Variants in CELF2 observed in about 807,000 individuals in gnomAD.
CELF2 encodes CUG triplet repeat RNA-binding protein 2.
A neutral mutation model predicts 62.6 loss-of-function variants in CELF2; 8 were observed. The observed-to-expected ratio is 0.13, with a 90% CI of 0.07 to 0.23. The LOEUF is 0.23. CELF2 is among the 10% of genes least tolerant of loss of function. The pLI is 1.00. For synonymous variants in CELF2, 258 were observed against 250.0 expected, an observed-to-expected ratio of 1.03 and a Z score of -0.30; for missense variants, 333 against 671.0, an observed-to-expected ratio of 0.50 and a Z score of 5.56.
chr10:11,314,343 C>T lies in CELF2; in HGVS notation c.1096+85C>T, dbSNP rs763125441. 4.9e-5 allele frequency: 78 copies of T among 1,578,280 alleles called. 1 individual carries two copies. Among genetic ancestry groups the T allele is most frequent in the Admixed American group, 1.3e-4 (8 of 59,876 alleles). ...AGAAAGTGGTCAGCCAGAAATGACC[C>T]GAAAAAGGATATGCCACGGGGAGAA... On this transcript the variant is annotated intron_variant, in intron 10 of 12. Transcript: ENST00000633077. This position sits in a 1 kb window ranked among gnomAD's most constrained non-coding sequence, Gnocchi z 5.3.
intron 1 of CELF2, among the ~76,000 whole-genome samples, chr10:11,123,200 G>A (rs2058087346): frequency 6.6e-6 from 1 of 152,062 alleles, no homozygotes; most frequent in African/African-American, 2.4e-5. Context: ...TTGCTTACAA[G>A]CACACTGTTT....
chr10:11,232,207 TGTTCA>T (rs2068993738), intron 3 of CELF2, among the ~76,000 whole-genome samples: 1 of 152,196 alleles, frequency 6.6e-6, no homozygotes, highest in African/African-American at 2.4e-5. Context: ...GTGTTCTCAT[TGTTCA>T]GTTCCCACCT....
intron 1 of CELF2, among the ~76,000 whole-genome samples, chr10:10,823,678 A>C (rs959468805): frequency 6.6e-6 from 1 of 152,200 alleles, no homozygotes; most frequent in Non-Finnish European, 1.5e-5. Context: ...CGGCAGAGAT[A>C]ATCGTATTAA....
intron 2 of CELF2, among the ~76,000 whole-genome samples, chr10:10,955,535 C>A (rs962929207): frequency 1.3e-5 from 2 of 152,184 alleles, no homozygotes; most frequent in Non-Finnish European, 2.9e-5. Flanking sequence ...ACATTCTCGA[C>A]GTATGAACTC....
rs995577851 is a variant in CELF2 at position 11,005,530 on chromosome 10, T to C, written c.53+90T>C. ...TAATTATGCTCTGAATCAAGTAGCT[T>C]CCTTACCTTAGAAGAGAAGGGGGGA... On this transcript the variant is annotated intron_variant, in intron 1 of 12. Transcript: ENST00000416382. This position sits in a 1 kb window ranked among gnomAD's most constrained non-coding sequence, Gnocchi z 4.3. The C allele has an allele frequency of 2.3e-5, 37 of 1,590,576 alleles. No homozygotes were observed. Among genetic ancestry groups the C allele is most frequent in the Non-Finnish European group, 3.1e-5 (36 of 1,159,854 alleles).
At chr10:10,596,300 C>G in the CELF2 span, among the ~76,000 whole-genome samples, 1 of 151,762 alleles carries the variant, frequency 6.6e-6, no homozygotes, top group Non-Finnish European at 1.5e-5. Flanking sequence ...TTCAAGTCTT[C>G]ATTATAATGT....
At position 11,332,591 on chromosome 10, in the gene CELF2, G is replaced by GCCTACAGC. The variant is rs2096048402; in HGVS notation, c.*3541_*3548dup. 6.6e-6 allele frequency: 1 copy of GCCTACAGC among 150,614 alleles called. No homozygotes were observed. The highest frequency in any genetic ancestry group is 2.5e-5 in the African/African-American group (1 of 39,558). 9.3% of individuals were successfully genotyped at this position (150,614 alleles called of 1,614,324 possible). A position where few individuals can be genotyped will look rare whatever the true frequency, so the allele number is the denominator to read the frequency against. On this transcript the variant is annotated 3_prime_UTR_variant, in exon 13 of 13. Transcript: ENST00000633077. Reference sequence around the variant, plus strand: ...CTGTCTTGACAAATCCTAATGTCACGCCTACAGCCCCAACACAAGCTCCAG... The same window carrying GCCTACAGC: ...CTGTCTTGACAAATCCTAATGTCACGCCTACAGCCCTACAGCCCCAACACAAGCTCCAG...
chr10:11,034,584 T>C (rs1427190264), intron 1 of CELF2, among the ~76,000 whole-genome samples: 7 of 152,196 alleles, frequency 4.6e-5, no homozygotes, highest in African/African-American at 1.7e-4. Context: ...TTCTGTGATC[T>C]TGGCCATTTG....
chr10:11,325,990 G>T lies in CELF2; in HGVS notation c.1438+11G>T, dbSNP rs375201680. ...TGAGCAAGTGCTTTGGTATGCAAAA[G>T]AAACTAAGCTAGTATATTGCAGTAG... On this transcript the variant is annotated intron_variant, in intron 12 of 12. Coordinates refer to ENST00000633077, the MANE Select transcript of CELF2 (RefSeq NM_001326342.2). 1.4e-5 allele frequency: 23 copies of T among 1,608,232 alleles called. No homozygotes were observed. Among genetic ancestry groups the T allele is most frequent in the Middle Eastern group, 1.7e-4 (1 of 6,054 alleles).
intron 1 of CELF2, among the ~76,000 whole-genome samples, chr10:11,087,405 C>G (rs2047107043): frequency 6.6e-6 from 1 of 152,206 alleles, no homozygotes; most frequent in Non-Finnish European, 1.5e-5. Context: ...GGGCAAAAAC[C>G]TGTGTCTTTT....
At chr10:10,679,156 T>A in the CELF2 span, among the ~76,000 whole-genome samples, 10 of 152,214 alleles carry the variant, frequency 6.6e-5, no homozygotes, top group Non-Finnish European at 8.8e-5. Flanking sequence ...CTATAATTTA[T>A]CAAGAATGGT....
chr10:10,872,068 T>C (rs1313356676), intron 1 of CELF2, among the ~76,000 whole-genome samples: 1 of 152,242 alleles, frequency 6.6e-6, no homozygotes, highest in Non-Finnish European at 1.5e-5. Flanking sequence ...ATATTTTCCA[T>C]GTGAAATATT....
At chr10:11,229,704 C>T (rs2067928906) in intron 3 of CELF2, among the ~76,000 whole-genome samples, 1 of 152,052 alleles carries the variant, frequency 6.6e-6, no homozygotes, top group African/African-American at 2.4e-5. Context: ...ATTCTCCTGC[C>T]TCAGCCTCCC....
chr10:11,145,423 C>T lies in CELF2; in HGVS notation c.75-20063C>T, dbSNP rs1053081920. 2.6e-5 allele frequency among the ~76,000 whole-genome samples: 4 copies of T among 152,180 alleles called. No individual in the cohort carries two copies. Among genetic ancestry groups the T allele is most frequent in the African/African-American group, 9.7e-5 (4 of 41,428 alleles). On this transcript the variant is annotated intron_variant, in intron 1 of 12. Transcript: ENST00000633077. This position sits in a 1 kb window ranked among gnomAD's most constrained non-coding sequence, Gnocchi z 4.3. ...TAATAGCAGGTTGTATGCAGGACTC[C>T]CACGTTTGAAAACATGACTGCCTGG...
chr10:11,162,999 G>A (rs927848684), intron 1 of CELF2, among the ~76,000 whole-genome samples: 5 of 152,188 alleles, frequency 3.3e-5, no homozygotes, highest in Non-Finnish European at 7.3e-5. Flanking sequence ...AGGCAGCGGT[G>A]AAGCATGGCT....
chr10:11,256,066 G>A (rs1384056863), intron 4 of CELF2, among the ~76,000 whole-genome samples: 2 of 152,196 alleles, frequency 1.3e-5, no homozygotes, highest in African/African-American at 2.4e-5. Context: ...AGCTCCCTTA[G>A]GTCTCTTCCT....
At chr10:11,107,604 A>G (rs1039428824) in intron 1 of CELF2, among the ~76,000 whole-genome samples, 1 of 152,020 alleles carries the variant, frequency 6.6e-6, no homozygotes. Flanking sequence ...ACATATTTCT[A>G]GAAGTTAAGA....
intron 3 of CELF2, among the ~76,000 whole-genome samples, chr10:11,219,878 GTTT>G (rs747786029): frequency 5.3e-5 from 8 of 152,308 alleles, no homozygotes; most frequent in Non-Finnish European, 1.0e-4. Flanking sequence ...ATATACACCT[GTTT>G]TCCCACTGTG....
the CELF2 span, among the ~76,000 whole-genome samples, chr10:10,490,557 A>T: frequency 3.5e-5 from 4 of 115,548 alleles, no homozygotes; most frequent in East Asian, 1.1e-3. Context: ...TTATAATCTA[A>T]TCTATCTGGT....
Sources: gnomAD v4.1 joint callset for allele counts (sites outside exome capture counted in the v4.1 genomes callset) on GRCh38, gnomAD v4.1.1 for gene constraint, Gnocchi (gnomAD v3.1) non-coding constraint, MANE v1.5 for transcripts, NCBI Gene and HGNC (gene_info 2026-07-23, HGNC 2026-07-21) for gene names.